Variants in INSR observed in about 807,000 individuals in gnomAD.
INSR encodes IR.
A neutral mutation model predicts 142.6 loss-of-function variants in INSR; 67 were observed. The observed-to-expected ratio is 0.47, with a 90% CI of 0.39 to 0.58. The LOEUF is 0.58. Among genes scored for constraint, INSR ranks in the 20% least tolerant of loss-of-function variants. INSR has a pLI of 0.00. For synonymous variants in INSR, 756 were observed against 743.1 expected, an observed-to-expected ratio of 1.02 and a Z score of -0.28; for missense variants, 1,248 against 1,833.2, an observed-to-expected ratio of 0.68 and a Z score of 5.83.
chr19:7,272,534 C>T (rs1044439041), intron 1 of INSR, among the ~76,000 whole-genome samples: 3 of 152,110 alleles, frequency 2.0e-5, no homozygotes, highest in Admixed American at 6.6e-5. Context: ...AGGAGAATGG[C>T]TTGAACCTAG....
chr19:7,122,120 C>CGACA (rs1972505680), intron 19 of INSR, among the ~76,000 whole-genome samples: 2 of 146,732 alleles, frequency 1.4e-5, no homozygotes, highest in Non-Finnish European at 1.5e-5. Context: ...CCAGCCTGGG[C>CGACA]GACAGAGCAA....
At chr19:7,197,441 C>T (rs534645559) in intron 2 of INSR, among the ~76,000 whole-genome samples, 1 of 152,058 alleles carries the variant, frequency 6.6e-6, no homozygotes, top group Non-Finnish European at 1.5e-5. Context: ...CGCAGAGGCC[C>T]GGAAGGAGGC....
chr19:7,184,526 C>A lies in INSR; in HGVS notation c.764G>T (p.Cys255Phe). Residue 255 changes from cysteine to phenylalanine, a missense_variant, in exon 3 of 22, where the codon TGC becomes TTC. Cys to Phe is a radical substitution (Grantham distance 205). This residue lies in a region of INSR where 1,069 missense variants were observed against 1,654.0 expected (regional missense o/e 0.65). Coordinates refer to ENST00000302850, the MANE Select transcript of INSR (RefSeq NM_000208.4). ...QPDDPTKCVA[C>F]RNFYLDGRCV... The stretch of plus-strand genomic sequence containing the variant: ...CCTGCCGTCCAGGTAGAAGTTGCGG[C>A]AGGCCACGCACTTGGTGGGGTCGTC... 1 of 1,613,972 alleles carries A rather than the reference C, an allele frequency of 6.2e-7. No individual in the cohort carries two copies. Among genetic ancestry groups the A allele is most frequent in the Non-Finnish European group, 8.5e-7 (1 of 1,180,016 alleles).
At chr19:7,173,123 GC>G (rs1284988781) in intron 4 of INSR, among the ~76,000 whole-genome samples, 4 of 152,084 alleles carry the variant, frequency 2.6e-5, no homozygotes. Context: ...GGGAAAAGTT[GC>G]CCATTTCCAT....
At chr19:7,259,647 C>A (rs1240008759) in intron 2 of INSR, among the ~76,000 whole-genome samples, 2 of 151,902 alleles carry the variant, frequency 1.3e-5, no homozygotes, top group African/African-American at 4.8e-5. Context: ...GGCGAAACCC[C>A]ATCTCTACTA....
Position 7,161,750 on chromosome 19 carries a change from A to C in INSR, c.2029+1282T>G, listed in dbSNP as rs577154418. Among the ~76,000 whole-genome samples, 5 of 152,278 alleles carry C rather than the reference A, an allele frequency of 3.3e-5. No homozygotes were observed. In the South Asian group the frequency reaches 8.3e-4, roughly 25 times the overall value. ...TCCCCATCAGTGTGAGGAGGGATGA[A>C]GAGAACAAGGAAGGCAGGGAGGGAG... On this transcript the variant is annotated intron_variant, in intron 9 of 21. Coordinates refer to ENST00000302850, the MANE Select transcript of INSR (RefSeq NM_000208.4).
chr19:7,170,537 A>G lies in INSR; in HGVS notation c.1483T>C (p.Cys495Arg), dbSNP rs2144950131. The G allele has an allele frequency of 6.2e-7, 1 of 1,610,810 alleles. No individual in the cohort carries two copies. Among genetic ancestry groups the G allele is most frequent in the Non-Finnish European group, 8.5e-7 (1 of 1,178,280 alleles). ...ALKTNGDQAS[C>R]ENELLKFSYI... is the part of the protein sequence containing the mutation. ...AAAAGGTTGGGGACCAGTGACTTAC[A>G]GGATGCCTGGTCCCCATTGGTCTTC... The change falls in exon 6 of 22, where the codon TGT (cysteine) becomes CGT (arginine). Residue 495 changes from cysteine (C) to arginine (R), a missense_variant and splice_region_variant. Physicochemically the swap from Cys to Arg is radical, Grantham distance 180. This residue lies in a region of INSR where 1,069 missense variants were observed against 1,654.0 expected (regional missense o/e 0.65). Coordinates refer to ENST00000302850, the MANE Select transcript of INSR (RefSeq NM_000208.4).
intron 2 of INSR, among the ~76,000 whole-genome samples, chr19:7,251,449 T>A (rs1363649631): frequency 2.0e-5 from 3 of 151,830 alleles, no homozygotes; most frequent in Admixed American, 2.0e-4. Flanking sequence ...TTAGTAGAGA[T>A]GGGGTCTCAC....
chr19:7,233,608 A>G (rs977539157), intron 2 of INSR, among the ~76,000 whole-genome samples: 1 of 150,754 alleles, frequency 6.6e-6, no homozygotes, highest in African/African-American at 2.4e-5. Context: ...AGGATGGCCA[A>G]TCCCTGCAAC....
At chr19:7,136,940 C>T (rs574725263) in intron 13 of INSR, among the ~76,000 whole-genome samples, 5 of 151,694 alleles carry the variant, frequency 3.3e-5, no homozygotes, top group African/African-American at 9.7e-5. Flanking sequence ...TCAAGTGATT[C>T]TCTTGTCTTA....
chr19:7,193,383 G>A (rs112856685), intron 2 of INSR, among the ~76,000 whole-genome samples: 60 of 151,858 alleles, frequency 4.0e-4, no homozygotes, highest in African/African-American at 1.4e-3. Context: ...ATGGTGTCGC[G>A]CACCTGTAGT....
At chr19:7,230,820 A>G (rs1777934696) in intron 2 of INSR, among the ~76,000 whole-genome samples, 1 of 151,324 alleles carries the variant, frequency 6.6e-6, no homozygotes, top group Non-Finnish European at 1.5e-5. Context: ...ATAAAAAAAA[A>G]ATAAAAAATA....
At chr19:7,214,824 C>T (rs1364451724) in intron 2 of INSR, among the ~76,000 whole-genome samples, 1 of 110,510 alleles carries the variant, frequency 9.0e-6, no homozygotes, top group African/African-American at 3.5e-5. Flanking sequence ...CCCTCCCTTT[C>T]CTTCCTTCCC....
intron 2 of INSR, among the ~76,000 whole-genome samples, chr19:7,228,217 C>T (rs560200136): frequency 1.3e-5 from 2 of 152,280 alleles, no homozygotes; most frequent in African/African-American, 4.8e-5. Flanking sequence ...AAATGAATAT[C>T]GACACTTGGC....
At chr19:7,244,555 G>A (rs1976471738) in intron 2 of INSR, among the ~76,000 whole-genome samples, 1 of 131,024 alleles carries the variant, frequency 7.6e-6, no homozygotes, top group South Asian at 2.2e-4. Context: ...AAAGATTTGA[G>A]CAAATGGAAA....
At chr19:7,270,224 G>A (rs1169169816) in intron 1 of INSR, among the ~76,000 whole-genome samples, 3 of 151,848 alleles carry the variant, frequency 2.0e-5, no homozygotes, top group Non-Finnish European at 2.9e-5. Flanking sequence ...CTGGGATTAC[G>A]GGCATAAACC....
rs572403785 is a variant in INSR at position 7,231,903 on chromosome 19, C to G, written c.652+35442G>C. Among the ~76,000 whole-genome samples the G allele has an allele frequency of 2.0e-5, 3 of 152,186 alleles. No homozygotes were observed. The South Asian group carries it at 6.2e-4, about 32-fold the overall frequency. ...CTGGGATTACAGGCATAAGCCACCACACTCAGCCAAACTTCTCAAACAATA... is the reference window on the plus strand; with the variant it reads ...CTGGGATTACAGGCATAAGCCACCAGACTCAGCCAAACTTCTCAAACAATA... On this transcript the variant is annotated intron_variant, in intron 2 of 21. Transcript: ENST00000302850.
chr19:7,120,480 A>C (rs1305272489), intron 20 of INSR, 140 bp downstream of exon 20: 7 of 938,384 alleles, frequency 7.5e-6, no homozygotes, highest in Non-Finnish European at 8.4e-6. Context: ...AGCCGTGGGA[A>C]GATCCTAAGA....
chr19:7,124,797 G>C (rs1410323792), intron 17 of INSR, among the ~76,000 whole-genome samples: 1 of 150,434 alleles, frequency 6.6e-6, no homozygotes, highest in Non-Finnish European at 1.5e-5. Context: ...ACTCAAAGAG[G>C]AACAAAGGAG....
Sources: allele counts gnomAD v4.1 joint callset (sites outside exome capture counted in the v4.1 genomes callset), GRCh38; gene constraint gnomAD v4.1.1; regional missense constraint gnomAD v4.1.1; transcripts MANE v1.5; gene names NCBI Gene and HGNC (gene_info 2026-07-23, HGNC 2026-07-21).